The following PCDHA7 variants were observed in gnomAD, a reference collection of about 807,000 sequenced individuals.
PCDHA7 encodes the protein protocadherin alpha 7.
In PCDHA7, 37 loss-of-function variants were observed where a neutral mutation model predicts 57.2. The observed-to-expected ratio is 0.65, with a 90% confidence interval of 0.50 to 0.85. PCDHA7 has a LOEUF of 0.85. PCDHA7 is among the 40% of genes least tolerant of loss of function. The pLI, the probability that PCDHA7 is intolerant of heterozygous loss-of-function variation, is 0.00. For missense variants in PCDHA7, 1,188 were observed against 1,241.8 expected (o/e 0.96, Z 0.65); for synonymous variants, 553 against 558.8 (o/e 0.99, Z 0.15).
intron 1 of PCDHA7, chr5:140,926,897 T>C: frequency 1.3e-6 from 2 of 1,548,696 alleles, no homozygotes; most frequent in Non-Finnish European, 1.7e-6. Context: ...GGGAGGATGG[T>C]GGGCTGTGGG....
In PCDHA7 at chr5:140,941,202, C is replaced by CCCTTCTTTCTTTCTTTCTTT; in HGVS notation, c.2356-37746_2356-37745insCTTCTTTCTTTCTTTCTTTC. Among the ~76,000 whole-genome samples, 3 of 122,832 alleles carry CCCTTCTTTCTTTCTTTCTTT rather than the reference C, an allele frequency of 2.4e-5. No homozygotes were observed. The East Asian group carries it at 6.6e-4, about 27-fold the overall frequency. The allele number at this position is 122,832 out of a possible 152,430, so 80.6% of individuals were successfully genotyped here. A position where few individuals can be genotyped will look rare whatever the true frequency, so the allele number is the denominator to read the frequency against. On this transcript the variant is annotated intron_variant, in intron 1 of 3. Transcript: ENST00000525929. ...TCCTGCTTCTTTTTTTTTCTTTCTT[C>CCCTTCTTTCTTTCTTTCTTT]CTTTCTTTCTTCCTTTCTTTCTTTC...
intron 1 of PCDHA7, among the ~76,000 whole-genome samples, chr5:140,950,918 G>C (rs1229704497): frequency 6.6e-6 from 1 of 151,584 alleles, no homozygotes; most frequent in African/African-American, 2.4e-5. Context: ...TTTTATTTCA[G>C]TTCTTTTTCT....
chr5:140,937,560 T>A (rs933672983), intron 1 of PCDHA7, among the ~76,000 whole-genome samples: 1 of 152,060 alleles, frequency 6.6e-6, no homozygotes, highest in Non-Finnish European at 1.5e-5. Flanking sequence ...GAGGTTGCAG[T>A]GAGCTGGGAT....
At chr5:141,007,145 A>C (rs528280563) in intron 3 of PCDHA7, among the ~76,000 whole-genome samples, 1 of 152,330 alleles carries the variant, frequency 6.6e-6, no homozygotes, top group Admixed American at 6.5e-5. Context: ...CTGACAAAGG[A>C]AACTGTCAAA....
chr5:140,882,891 A>C, intron 1 of PCDHA7: 1 of 1,614,230 alleles, frequency 6.2e-7, no homozygotes, highest in East Asian at 2.2e-5. Flanking sequence ...ATTCAGGAAC[A>C]TAGTTTATTA....
Position 140,856,181 on chromosome 5 carries a change from G to A in PCDHA7, c.2355+19443G>A, listed in dbSNP as rs781803033. 3.8e-6 allele frequency: 6 copies of A among 1,598,228 alleles called. No individual in the cohort carries two copies. In the East Asian group the frequency reaches 1.3e-4, roughly 36 times the overall value. ...GGAGGCCAGACACGGCACCTTCGTG[G>A]GCCGCATCGCGCAGGACCTGGGGCT... On this transcript the variant is annotated intron_variant, in intron 1 of 3. Transcript: ENST00000525929.
At chr5:140,973,858 C>G (rs1277402007) in intron 1 of PCDHA7, among the ~76,000 whole-genome samples, 1 of 152,156 alleles carries the variant, frequency 6.6e-6, no homozygotes, top group Non-Finnish European at 1.5e-5. Flanking sequence ...AATTTTTGCT[C>G]TCAATGAGAG....
chr5:140,950,723 A>AT (rs1196047674), intron 1 of PCDHA7, among the ~76,000 whole-genome samples: 72 of 152,102 alleles, frequency 4.7e-4, no homozygotes, highest in African/African-American at 1.6e-3. Flanking sequence ...ATATCCTTAA[A>AT]TTTTTTAATC....
chr5:140,873,621 T>C (rs1282269984), intron 1 of PCDHA7, among the ~76,000 whole-genome samples: 2 of 152,186 alleles, frequency 1.3e-5, no homozygotes, highest in African/African-American at 4.8e-5. Flanking sequence ...TAACAATTTG[T>C]TTAGGTCAAA....
chr5:140,934,822 T>C (rs2090051776), intron 1 of PCDHA7, among the ~76,000 whole-genome samples: 1 of 152,218 alleles, frequency 6.6e-6, no homozygotes. Flanking sequence ...ATGCTAACTT[T>C]GGCAAGTTGG....
chr5:140,908,431 G>A (rs949756474), intron 1 of PCDHA7, among the ~76,000 whole-genome samples: 4 of 152,152 alleles, frequency 2.6e-5, no homozygotes, highest in Non-Finnish European at 5.9e-5. Context: ...GCTGCTGTGC[G>A]CACCCCACTT....
chr5:140,959,532 T>C (rs919329459), intron 1 of PCDHA7, among the ~76,000 whole-genome samples: 1 of 152,198 alleles, frequency 6.6e-6, no homozygotes, highest in Admixed American at 6.5e-5. Context: ...GACCATTAAT[T>C]CAGAGATGCT....
intron 1 of PCDHA7, among the ~76,000 whole-genome samples, chr5:140,893,780 C>T (rs966071281): frequency 4.6e-5 from 7 of 151,980 alleles, no homozygotes; most frequent in Admixed American, 6.6e-5. Context: ...TTTCTTTTAC[C>T]GTTTTTAGAA....
At chr5:140,883,074 C>T (rs1554176634) in intron 1 of PCDHA7, 2 of 1,614,042 alleles carry the variant, frequency 1.2e-6, no homozygotes, top group Admixed American at 3.3e-5. Context: ...GCCACAGATC[C>T]TGATGATGGT....
chr5:140,877,150 G>A (rs370292278), intron 1 of PCDHA7: 11 of 1,613,672 alleles, frequency 6.8e-6, no homozygotes, highest in Admixed American at 3.3e-5. Context: ...GGACGAGAAC[G>A]ACAACGCGCC....
chr5:140,968,057 C>G, intron 1 of PCDHA7: 1 of 1,614,110 alleles, frequency 6.2e-7, no homozygotes, highest in African/African-American at 1.3e-5. Flanking sequence ...GGACCGAGAG[C>G]GGGTGGCTGT....
At chr5:140,958,397 A>T (rs1306610051) in intron 1 of PCDHA7, among the ~76,000 whole-genome samples, 3 of 152,172 alleles carry the variant, frequency 2.0e-5, no homozygotes, top group African/African-American at 7.2e-5. Flanking sequence ...GTCATCAAAC[A>T]TTATCACTGA....
intron 1 of PCDHA7, among the ~76,000 whole-genome samples, chr5:140,921,678 A>C (rs2080326339): frequency 6.6e-6 from 1 of 152,222 alleles, no homozygotes; most frequent in South Asian, 2.1e-4. Context: ...AGTTATCATC[A>C]AACACTGGCC....
intron 1 of PCDHA7, chr5:140,875,959 G>C (rs1448292250): frequency 5.0e-6 from 8 of 1,614,070 alleles, no homozygotes; most frequent in South Asian, 2.2e-5. Context: ...TGCGGATATC[G>C]GCGTAAACTC....
Sources: allele counts gnomAD v4.1 joint callset (sites outside exome capture counted in the v4.1 genomes callset), GRCh38; gene constraint gnomAD v4.1.1; transcripts MANE v1.5; gene names NCBI Gene and HGNC (gene_info 2026-07-23, HGNC 2026-07-21).